IFNAR2: variants seen among roughly 807,000 people sequenced by gnomAD.
IFNAR2 encodes interferon alpha and beta receptor subunit 2, also known as interferon alpha/beta receptor 2.
In IFNAR2, 30 loss-of-function variants were observed where a neutral mutation model predicts 49.4. The ratio of observed to expected loss-of-function variants is 0.61; its 90% CI spans 0.45 to 0.82. The LOEUF (loss-of-function observed/expected upper bound fraction) is 0.82, where lower values mean the gene tolerates loss of function less well. Ranked by LOEUF, IFNAR2 falls within the 40% of genes least tolerant of loss-of-function variation. The probability of loss-of-function intolerance (pLI) is 0.00; values close to 1 mark genes in which losing one functional copy is unlikely to be tolerated. For synonymous variants in IFNAR2, 224 were observed against 234.5 expected (o/e 0.96, Z 0.41); for missense variants, 600 against 622.7 (o/e 0.96, Z 0.39).
intron 5 of IFNAR2, among the ~76,000 whole-genome samples, chr21:33,247,917 T>A (rs1190082638): frequency 6.6e-6 from 1 of 152,194 alleles, no homozygotes; most frequent in Non-Finnish European, 1.5e-5. Context: ...TTTGCTGGAT[T>A]TGTGTGCATG....
chr21:33,241,987 G>A lies in IFNAR2; in HGVS notation c.55+10G>A. On this transcript the variant is annotated intron_variant, in intron 2 of 8. Transcript: ENST00000342136. ...AATTTGGTTCTCATGGGTAAGTGCT[G>A]CTTTTTATCTTAGCTCTTATAGAAG... 6.2e-7 allele frequency: 1 copy of A among 1,609,492 alleles called. No homozygotes were observed. Among genetic ancestry groups the A allele is most frequent in the Non-Finnish European group, 8.5e-7 (1 of 1,178,276 alleles).
chr21:33,249,583 C>T (rs990046990), intron 6 of IFNAR2, among the ~76,000 whole-genome samples: 1 of 152,148 alleles, frequency 6.6e-6, no homozygotes, highest in Non-Finnish European at 1.5e-5. Flanking sequence ...CTAATTTCTG[C>T]AAAGGACCTG....
At chr21:33,244,793 C>T (rs1046834243) in intron 3 of IFNAR2, 158 bp from the exon 4 acceptor site, 1 of 172,608 alleles carries the variant, frequency 5.8e-6, no homozygotes, top group Non-Finnish European at 1.2e-5. Flanking sequence ...TAATTTATTT[C>T]CCATGTCCTG....
rs1349971546 is a variant in IFNAR2 at position 33,230,253 on chromosome 21, G to A, written c.-84+37G>A. 5.7e-5 allele frequency: 62 copies of A among 1,092,120 alleles called. No individual in the cohort carries two copies. The highest frequency in any genetic ancestry group is 6.3e-5 in the Non-Finnish European group (56 of 890,154). 67.7% of individuals were successfully genotyped at this position (1,092,120 alleles called of 1,614,324 possible). ...TGGCGGGGTCGCGGGAGCGGAGCGCGTGGCCAGCTGACTGGAGGGAAAACG... is the reference window on the plus strand; with the variant it reads ...TGGCGGGGTCGCGGGAGCGGAGCGCATGGCCAGCTGACTGGAGGGAAAACG... On this transcript the variant is annotated intron_variant, in intron 1 of 8. Transcript: ENST00000342136. The surrounding 1 kb of genome is among the most constrained non-coding windows in gnomAD (Gnocchi z 5.5).
At chr21:33,243,358 C>T (rs534760303) in intron 2 of IFNAR2, among the ~76,000 whole-genome samples, 1 of 152,302 alleles carries the variant, frequency 6.6e-6, no homozygotes, top group African/African-American at 2.4e-5. Context: ...GCTGGGATTA[C>T]AGACGTGAGC....
In IFNAR2 at chr21:33,244,953, TAC is replaced by T; in HGVS notation, c.104_105del (p.Thr35ArgfsTer2). On this transcript the variant is annotated frameshift_variant, in exon 4 of 9. Transcript: ENST00000342136. LOFTEE classifies it high-confidence loss of function. The stretch of plus-strand genomic sequence containing the variant: ...GCCCTTTTTCTTCTTCTCTTTAGAT[TAC>T]ACAGATGAATCTTGCACTTTCAAGA... ...VFGISYDSPD[Y>X]TDESCTFKIS... The T allele has an allele frequency of 1.2e-6, 2 of 1,613,666 alleles. No homozygotes were observed. Among genetic ancestry groups the T allele is most frequent in the Non-Finnish European group, 1.7e-6 (2 of 1,179,644 alleles).
chr21:33,260,530 A>G, intron 7 of IFNAR2, 67 bp from the exon 8 acceptor site: 1 of 1,470,142 alleles, frequency 6.8e-7, no homozygotes, highest in South Asian at 1.3e-5. Flanking sequence ...GCCAATGTAC[A>G]TTTATTTCCA....
At chr21:33,249,870 G>A (rs140642452) in intron 6 of IFNAR2, among the ~76,000 whole-genome samples, 36 of 152,276 alleles carry the variant, frequency 2.4e-4, no homozygotes, top group African/African-American at 8.4e-4. Context: ...CAGCAACAGC[G>A]AGGAGAGGTG....
At chr21:33,251,831 C>G (rs968151335) in intron 6 of IFNAR2, 2 of 953,282 alleles carry the variant, frequency 2.1e-6, no homozygotes, top group Middle Eastern at 5.3e-4. Flanking sequence ...GCCTGTAATC[C>G]CAGCACTTTG....
chr21:33,262,653 G>A (rs777305113), intron 8 of IFNAR2, 140 bp from the exon 9 acceptor site: 82 of 1,231,388 alleles, frequency 6.7e-5, no homozygotes, highest in East Asian at 1.4e-4. Flanking sequence ...TCAAACAGTC[G>A]TCCTGCCTAA....
At chr21:33,253,574 C>T (rs1601810661) in intron 7 of IFNAR2, among the ~76,000 whole-genome samples, 2 of 152,012 alleles carry the variant, frequency 1.3e-5, no homozygotes, top group East Asian at 1.9e-4. Flanking sequence ...TTGGATCTTG[C>T]GCAAGAAAGA....
intron 2 of IFNAR2, among the ~76,000 whole-genome samples, chr21:33,242,759 G>A (rs372782257): frequency 0.2 from 65 of 326 alleles, 17 homozygotes; most frequent in African/African-American, 0.32. Flanking sequence ...TCTCGTGTGC[G>A]TGTGTGTGTG....
At chr21:33,250,989 G>A (rs760389370) in intron 6 of IFNAR2, among the ~76,000 whole-genome samples, 2 of 152,196 alleles carry the variant, frequency 1.3e-5, no homozygotes, top group Non-Finnish European at 1.5e-5. Context: ...AGGAGGAGAC[G>A]TGGGGAAGGA....
chr21:33,256,191 CTT>C (rs1276256808), intron 7 of IFNAR2, among the ~76,000 whole-genome samples: 2 of 152,194 alleles, frequency 1.3e-5, no homozygotes, highest in Non-Finnish European at 2.9e-5. Context: ...TCCCCTGACT[CTT>C]TTCCATTTCA....
chr21:33,247,037 G>A (rs959423512), intron 5 of IFNAR2, 147 bp downstream of exon 5: 18 of 628,720 alleles, frequency 2.9e-5, no homozygotes, highest in East Asian at 1.4e-4. Context: ...CTCTGTAACC[G>A]TGGACTGCTT....
rs772474977 is a variant in IFNAR2, at chr21:33,241,875, GT to G, written c.-46del. 1 of 1,607,472 alleles carries G rather than the reference GT, an allele frequency of 6.2e-7. No individual in the cohort carries two copies. The highest frequency in any genetic ancestry group is 8.5e-7 in the Non-Finnish European group (1 of 1,175,738). ...CACTTCAGAATTTTGATCACCTAAT[GT>G]TGATTTCAGATGTAAAAGTCAAGAG... is the stretch of plus-strand genomic sequence containing the variant. On this transcript the variant is annotated 5_prime_UTR_variant, in exon 2 of 9. The change creates a premature stop within an existing upstream ORF in the 5' untranslated region. Transcript: ENST00000342136.
chr21:33,246,102 ACTGTGTCACC>A (rs1190533940), intron 4 of IFNAR2, among the ~76,000 whole-genome samples: 1 of 146,654 alleles, frequency 6.8e-6, no homozygotes, highest in Admixed American at 7.0e-5. Flanking sequence ...ACGGAGTCTC[ACTGTGTCACC>A]AAGGCTGGAG....
chr21:33,260,781 A>AGAAT lies in IFNAR2; in HGVS notation c.840+54_840+55insGAAT, dbSNP rs1288732566. 2.6e-6 allele frequency: 3 copies of AGAAT among 1,148,844 alleles called. No individual in the cohort carries two copies. In the African/African-American group the frequency reaches 4.9e-5, roughly 19 times the overall value. 71.2% of individuals were successfully genotyped at this position (1,148,844 alleles called of 1,614,324 possible). A position where few individuals can be genotyped will look rare whatever the true frequency, so the allele number is the denominator to read the frequency against. ...TTTTCTATCTTTGTTTTTTATTTTA[A>AGAAT]CTTAAGAATTTGTATTTATATAAAT... On this transcript the variant is annotated intron_variant, in intron 8 of 8. Coordinates refer to ENST00000342136, the MANE Select transcript of IFNAR2 (RefSeq NM_001289125.3).
In IFNAR2 at chr21:33,264,811, A is replaced by G. The variant is rs1228530520; in HGVS notation, c.*1311A>G. 6.6e-6 allele frequency: 1 copy of G among 152,260 alleles called. No homozygotes were observed. The highest frequency in any genetic ancestry group is 1.5e-5 in the Non-Finnish European group (1 of 68,074). 9.4% of individuals were successfully genotyped at this position (152,260 alleles called of 1,614,324 possible). On this transcript the variant is annotated 3_prime_UTR_variant, in exon 9 of 9. Coordinates refer to ENST00000342136, the MANE Select transcript of IFNAR2 (RefSeq NM_001289125.3). Reference sequence around the variant, plus strand: ...CGAGACCAGCCTGGGCAACATGGCAAATCTGTCTCTACAAAACAAAATTAG... The same window carrying G: ...CGAGACCAGCCTGGGCAACATGGCAGATCTGTCTCTACAAAACAAAATTAG...
Sources: allele counts gnomAD v4.1 joint callset (sites outside exome capture counted in the v4.1 genomes callset), GRCh38; gene constraint gnomAD v4.1.1; non-coding constraint Gnocchi (gnomAD v3.1); transcripts MANE v1.5; gene names NCBI Gene and HGNC (gene_info 2026-07-23, HGNC 2026-07-21).